The following KIFAP3 variants were observed in gnomAD, a reference collection of about 807,000 sequenced individuals.
KIFAP3 encodes kinesin associated protein 3.
A neutral mutation model predicts 106.5 loss-of-function variants in KIFAP3; 68 were observed. The observed-to-expected ratio is 0.64, with a 90% CI of 0.53 to 0.78. The LOEUF (loss-of-function observed/expected upper bound fraction) is 0.78. KIFAP3 is among the 30% of genes least tolerant of loss of function. KIFAP3 has a pLI of 0.00. For missense variants in KIFAP3, 780 were observed against 941.8 expected (o/e 0.83, Z 2.25); for synonymous variants, 320 against 311.5 (o/e 1.03, Z -0.29).
At chr1:169,986,567 G>A (rs1666839557) in intron 11 of KIFAP3, among the ~76,000 whole-genome samples, 1 of 151,768 alleles carries the variant, frequency 6.6e-6, no homozygotes, top group Non-Finnish European at 1.5e-5. Context: ...TTAATTTACT[G>A]GATATATATT....
chr1:170,010,046 A>G (rs1057422944), intron 10 of KIFAP3, among the ~76,000 whole-genome samples: 8 of 152,166 alleles, frequency 5.3e-5, no homozygotes, highest in Non-Finnish European at 8.8e-5. Flanking sequence ...GTTACCAGAC[A>G]TAAGAAACTA....
chr1:169,938,028 T>C (rs533761443), intron 19 of KIFAP3, among the ~76,000 whole-genome samples: 214 of 152,102 alleles, frequency 1.4e-3, no homozygotes, highest in Middle Eastern at 6.8e-3. Flanking sequence ...TTTCTTCCTC[T>C]GTTATGGTGA....
At chr1:169,990,756 T>G (rs1265303055) in intron 11 of KIFAP3, among the ~76,000 whole-genome samples, 1 of 152,020 alleles carries the variant, frequency 6.6e-6, no homozygotes, top group African/African-American at 2.4e-5. Context: ...CTTCAAGACA[T>G]TTAGGACAGA....
At chr1:170,079,562 C>A (rs1248708916), upstream of KIFAP3, among the ~76,000 whole-genome samples, 1 of 152,080 alleles carries the variant, frequency 6.6e-6, no homozygotes, top group African/African-American at 2.4e-5. Flanking sequence ...GACTTCTTCA[C>A]CCTAATAAAG....
chr1:169,964,094 T>C (rs984686901), intron 17 of KIFAP3, among the ~76,000 whole-genome samples: 3 of 152,222 alleles, frequency 2.0e-5, no homozygotes, highest in Non-Finnish European at 4.4e-5. Flanking sequence ...GTATTACTGA[T>C]GTGGTCACAG....
At chr1:170,063,583 C>T (rs1264743553) in intron 1 of KIFAP3, among the ~76,000 whole-genome samples, 1 of 152,190 alleles carries the variant, frequency 6.6e-6, no homozygotes, top group African/African-American at 2.4e-5. Flanking sequence ...AATTATTAAA[C>T]TCTTACTCTA....
At chr1:170,078,143 C>T (rs2102191628), upstream of KIFAP3, among the ~76,000 whole-genome samples, 1 of 152,172 alleles carries the variant, frequency 6.6e-6, no homozygotes, top group South Asian at 2.1e-4. Flanking sequence ...AAAATGAATG[C>T]CGTTCTGCAT....
intron 1 of KIFAP3, among the ~76,000 whole-genome samples, chr1:170,071,581 G>C (rs1464867965): frequency 6.6e-6 from 1 of 152,134 alleles, no homozygotes; most frequent in Non-Finnish European, 1.5e-5. Context: ...AGTGAGAAAA[G>C]AGAATACCCA....
At chr1:170,019,750 T>C (rs533771294) in intron 9 of KIFAP3, among the ~76,000 whole-genome samples, 5 of 152,304 alleles carry the variant, frequency 3.3e-5, no homozygotes, top group East Asian at 3.9e-4. Context: ...GTGAAAGACA[T>C]TGTTTTCCTC....
chr1:169,921,631 C>T lies in KIFAP3; in HGVS notation c.*45G>A, dbSNP rs1558163299. The T allele has an allele frequency of 6.8e-7, 1 of 1,478,480 alleles. No homozygotes were observed. Among genetic ancestry groups the T allele is most frequent in the Admixed American group, 1.7e-5 (1 of 58,894 alleles). 91.6% of individuals were successfully genotyped at this position (1,478,480 alleles called of 1,614,324 possible). ...AGATCCAAAATTAACCCAACCCACA[C>T]AGATTTCTTCTAAGCTGAGATTACA... is the stretch of plus-strand genomic sequence containing the variant. On this transcript the variant is annotated 3_prime_UTR_variant, in exon 20 of 20. Transcript: ENST00000361580.
At chr1:169,939,345 A>T (rs1373135496) in intron 19 of KIFAP3, among the ~76,000 whole-genome samples, 1 of 152,202 alleles carries the variant, frequency 6.6e-6, no homozygotes, top group East Asian at 1.9e-4. Context: ...ATAATAAGGA[A>T]GATTCCAAAG....
chr1:170,034,292 A>G (rs890509909), intron 7 of KIFAP3, 80 bp downstream of exon 7: 3 of 1,369,988 alleles, frequency 2.2e-6, no homozygotes, highest in African/African-American at 3.0e-5. Context: ...TAAAAAAGAA[A>G]AAAGAACAAA....
At chr1:169,956,230 G>T (rs1455805943) in intron 18 of KIFAP3, among the ~76,000 whole-genome samples, 1 of 151,890 alleles carries the variant, frequency 6.6e-6, no homozygotes, top group Non-Finnish European at 1.5e-5. Context: ...TAAAATAAAA[G>T]AATTTAACAC....
chr1:170,001,603 C>T (rs912757463), intron 10 of KIFAP3, among the ~76,000 whole-genome samples: 1 of 152,046 alleles, frequency 6.6e-6, no homozygotes, highest in Non-Finnish European at 1.5e-5. Context: ...TAAATGAGGC[C>T]TATTAAAATT....
At chr1:169,972,396 C>A in intron 17 of KIFAP3, 117 bp downstream of exon 17, 1 of 617,108 alleles carries the variant, frequency 1.6e-6, no homozygotes, top group Non-Finnish European at 2.9e-6. Context: ...TATCCTGAAT[C>A]TTACCAAAAT....
At chr1:169,999,877 A>G (rs959318818) in intron 10 of KIFAP3, among the ~76,000 whole-genome samples, 1 of 152,166 alleles carries the variant, frequency 6.6e-6, no homozygotes, top group African/African-American at 2.4e-5. Flanking sequence ...TCAAGAGTTT[A>G]TAAGAAACAT....
At chr1:170,044,894 T>A (rs1337974714) in intron 3 of KIFAP3, among the ~76,000 whole-genome samples, 1 of 152,010 alleles carries the variant, frequency 6.6e-6, no homozygotes. Flanking sequence ...TCAAGAAAAC[T>A]TTTTTTTCTT....
upstream of KIFAP3, chr1:170,074,728 T>G: frequency 5.9e-6 from 8 of 1,360,162 alleles, no homozygotes; most frequent in Non-Finnish European, 7.6e-6. Context: ...GCGCTTGCTC[T>G]GCACCTCTTG....
At position 169,961,115 on chromosome 1, in the gene KIFAP3, C is replaced by A. The variant is rs747963501; in HGVS notation, c.2104G>T (p.Asp702Tyr). 6.2e-7 allele frequency: 1 copy of A among 1,613,600 alleles called. No homozygotes were observed. Among genetic ancestry groups the A allele is most frequent in the East Asian group, 2.2e-5 (1 of 44,858 alleles). ...MDESEQYLYG[D>Y]DRIEPYIHEG... ...TGAATGTATGGCTCAATTCGATCAT[C>A]ACCATACAAGTACTGCTCACTCTCA... The change falls in exon 18 of 20, where the codon GAT becomes TAT. Residue 702 changes from aspartate to tyrosine, a missense_variant. Around this residue, in one of 3 missense-constraint regions of KIFAP3, gnomAD observed 114 missense variants for 122.3 expected, o/e 0.93. Transcript: ENST00000361580.
Sources: gnomAD v4.1 joint callset for allele counts (sites outside exome capture counted in the v4.1 genomes callset) on GRCh38, gnomAD v4.1.1 for gene constraint, gnomAD v4.1.1 regional missense constraint, MANE v1.5 for transcripts, NCBI Gene and HGNC (gene_info 2026-07-23, HGNC 2026-07-21) for gene names.